Variants in INSRR observed in about 807,000 individuals in gnomAD.
The protein encoded by INSRR is insulin receptor related receptor.
Under a neutral mutation model 130.0 loss-of-function variants are expected in INSRR, and 114 were observed. That is an observed-to-expected ratio of 0.88 (90% CI 0.75 to 1.02). The LOEUF is 1.02. Ranked by LOEUF, INSRR falls within the 50% of genes least tolerant of loss-of-function variation. The probability of loss-of-function intolerance (pLI) is 0.00; values close to 1 mark genes in which losing one functional copy is unlikely to be tolerated. For synonymous variants in INSRR, 674 were observed against 705.2 expected (o/e 0.96, Z 0.70); for missense variants, 1,657 against 1,735.2 (o/e 0.95, Z 0.80).
chr1:156,848,706 C>G (rs1655093812), intron 7 of INSRR, among the ~76,000 whole-genome samples: 1 of 152,194 alleles, frequency 6.6e-6, no homozygotes, highest in Non-Finnish European at 1.5e-5. Context: ...CCTGTCTTCT[C>G]CATTTCACTT....
rs141357125 is a variant in INSRR at position 156,847,359 on chromosome 1, G to T, written c.1572-602C>A. Among the ~76,000 whole-genome samples, 47 of 152,362 alleles carry T rather than the reference G, an allele frequency of 3.1e-4. No individual in the cohort carries two copies. In the East Asian group the frequency reaches 7.9e-3, roughly 26 times the overall value. ...CAGAGGCAACTAGTGCTGGCTGCCT[G>T]AAGGCCAGTTTCGGGGCAGGGCTTG... On this transcript the variant is annotated intron_variant, in intron 7 of 21. Coordinates refer to ENST00000368195, the MANE Select transcript of INSRR (RefSeq NM_014215.3).
At chr1:156,843,333 G>GCTAT in intron 16 of INSRR, 94 bp downstream of exon 16, 8 of 1,563,362 alleles carry the variant, frequency 5.1e-6, no homozygotes, top group Non-Finnish European at 7.1e-6. Context: ...TTGTCCCAAG[G>GCTAT]CTATCTTCTG....
At position 156,842,168 on chromosome 1, in the gene INSRR, C is replaced by T. The variant is rs753223410; in HGVS notation, c.3341G>A (p.Arg1114Gln). 91 of 1,613,962 alleles carry T rather than the reference C, an allele frequency of 5.6e-5. No individual in the cohort carries two copies. The Middle Eastern group carries it at 1.2e-3, about 20-fold the overall frequency. The change falls in exon 19 of 22, where the codon CGA (arginine) becomes CAA (glutamine). Residue 1114 changes from arginine (R) to glutamine (Q), a missense_variant. Transcript: ENST00000368195. ...CATGCAGTTGCGGGCTGCTAGATCT[C>T]GGTGCACAAACTTGTTGGCAGCAAG... The part of the protein sequence containing the change: ...AYLAANKFVH[R>Q]DLAARNCMVS...
At chr1:156,847,194 GT>G (rs1655043902) in intron 7 of INSRR, among the ~76,000 whole-genome samples, 1 of 152,166 alleles carries the variant, frequency 6.6e-6, no homozygotes. Flanking sequence ...GACTTTGGAG[GT>G]TTATGAGCCT....
Position 156,845,636 on chromosome 1 carries a change from G to C in INSRR, c.2157C>G (p.Asn719Lys). The C allele has an allele frequency of 6.2e-7, 1 of 1,608,664 alleles. No individual in the cohort carries two copies. Among genetic ancestry groups the C allele is most frequent in the Non-Finnish European group, 8.5e-7 (1 of 1,177,568 alleles). The change falls in exon 10 of 22, where the codon AAC (asparagine) becomes AAG (lysine). Residue 719 changes from asparagine (N) to lysine (K), a missense_variant. Physicochemically the swap from Asn to Lys is moderately conservative, Grantham distance 94. Coordinates refer to ENST00000368195, the MANE Select transcript of INSRR (RefSeq NM_014215.3). The part of the protein sequence containing the change: ...FQKKFENFLH[N>K]AITIPISPWK... The stretch of plus-strand genomic sequence containing the variant: ...CTTCGCACATGGGGATGGTGATCGC[G>C]TTGTGTAGAAAGTTTTCAAACTTCT...
chr1:156,857,050 T>C (rs1459076665), intron 1 of INSRR, among the ~76,000 whole-genome samples: 3 of 152,020 alleles, frequency 2.0e-5, no homozygotes, highest in Non-Finnish European at 4.4e-5. Flanking sequence ...GCCCCATTCC[T>C]GATAGTTTGT....
At chr1:156,851,514 C>T (rs770677665) in intron 4 of INSRR, 80 bp from the exon 5 acceptor site, 20 of 1,602,564 alleles carry the variant, frequency 1.2e-5, no homozygotes, top group Middle Eastern at 1.6e-4. Context: ...ATGGGGGCCC[C>T]GGGAAGGTGG....
chr1:156,859,040 G>T lies in INSRR; in HGVS notation c.-419C>A, dbSNP rs962655475. On this transcript the variant is annotated 5_prime_UTR_variant, in exon 1 of 22. Coordinates refer to ENST00000368195, the MANE Select transcript of INSRR (RefSeq NM_014215.3). The surrounding 1 kb of genome is among the most constrained non-coding windows in gnomAD (Gnocchi z 6.2). ...GGGGTCCCGGGGCGCGTGGGACTCC[G>T]CAGGGAGAGTCTCCCTGGATCCCTC... The T allele has an allele frequency of 6.6e-5, 12 of 181,910 alleles. No homozygotes were observed. Among genetic ancestry groups the T allele is most frequent in the Non-Finnish European group, 9.4e-5 (8 of 85,444 alleles). The allele number at this position is 181,910 out of a possible 1,614,324, so 11.3% of individuals were successfully genotyped here.
At chr1:156,847,560 G>A (rs760498430) in intron 7 of INSRR, among the ~76,000 whole-genome samples, 18 of 152,160 alleles carry the variant, frequency 1.2e-4, no homozygotes, top group Non-Finnish European at 2.2e-4. Flanking sequence ...CTGAGCCAGG[G>A]ACAAAACTTG....
At chr1:156,841,549 C>T in intron 20 of INSRR, 21 bp from the exon 21 acceptor site, 1 of 1,614,002 alleles carries the variant, frequency 6.2e-7, no homozygotes, top group South Asian at 1.1e-5. Context: ...GCAGGAGCTC[C>T]TGAGCCCAGC....
Position 156,854,773 on chromosome 1 carries a change from T to C in INSRR, c.86-470A>G, listed in dbSNP as rs1327783440. On this transcript the variant is annotated intron_variant, in intron 1 of 21. Coordinates refer to ENST00000368195, the MANE Select transcript of INSRR (RefSeq NM_014215.3). The surrounding 1 kb of genome is among the most constrained non-coding windows in gnomAD (Gnocchi z 4.2). ...GATTGACAGTCATAGCCTCCCAAAC[T>C]GTCTCCCCAGTTCCACCCTTGTCCC... Among the ~76,000 whole-genome samples, 1 of 152,140 alleles carries C rather than the reference T, an allele frequency of 6.6e-6. No individual in the cohort carries two copies. Among genetic ancestry groups the C allele is most frequent in the Non-Finnish European group, 1.5e-5 (1 of 68,026 alleles).
At chr1:156,857,646 C>G (rs1011114568) in intron 1 of INSRR, among the ~76,000 whole-genome samples, 1 of 152,162 alleles carries the variant, frequency 6.6e-6, no homozygotes, top group African/African-American at 2.4e-5. Context: ...TAGGGGACCT[C>G]CTACCCAGCC....
chr1:156,842,415 A>G lies in INSRR; in HGVS notation c.3220T>C (p.Leu1074=), dbSNP rs780515979. The G allele has an allele frequency of 8.1e-6, 13 of 1,613,964 alleles. No homozygotes were observed. In the East Asian group the frequency reaches 2.7e-4, roughly 33 times the overall value. Residue 1074 remains leucine (L), a synonymous_variant, in exon 18 of 22, where the codon TTG becomes CTG. Coordinates refer to ENST00000368195, the MANE Select transcript of INSRR (RefSeq NM_014215.3). ...GTCCCTACCTCTGCCTCAGGCCGCAAAGATCGAAGATGGCTCTTGAGGTCC... is the reference window on the plus strand; with the variant it reads ...GTCCCTACCTCTGCCTCAGGCCGCAGAGATCGAAGATGGCTCTTGAGGTCC... ...RGDLKSHLRS[L]RPEAENNPGL...
chr1:156,857,986 G>C (rs1655469713), intron 1 of INSRR, among the ~76,000 whole-genome samples: 1 of 152,072 alleles, frequency 6.6e-6, no homozygotes, highest in African/African-American at 2.4e-5. Flanking sequence ...CTGGGGTGTT[G>C]AGGAAGAGCA....
intron 5 of INSRR, 197 bp downstream of exon 5, chr1:156,851,093 T>C: frequency 1.5e-6 from 1 of 678,884 alleles, no homozygotes; most frequent in Non-Finnish European, 2.6e-6. Context: ...TTCAAAACAG[T>C]CCTGAGAAGT....
intron 5 of INSRR, among the ~76,000 whole-genome samples, chr1:156,850,534 CTTTTTTTTTTTTTTT>C (rs35237064): frequency 0.16 from 9,317 of 58,768 alleles, 584 homozygotes; most frequent in African/African-American, 0.25. Context: ...TTAAAACATT[CTTTTTTTTTTTTTTT>C]TTTTTTTTTT....
intron 19 of INSRR, 87 bp downstream of exon 19, chr1:156,842,023 AGG>A: frequency 6.3e-7 from 1 of 1,590,876 alleles, no homozygotes; most frequent in Non-Finnish European, 8.6e-7. Context: ...ACAGGCTGTC[AGG>A]ACCAGGGCTG....
At chr1:156,855,212 T>TATCTATCTATCTATCTATC (rs60194471) in intron 1 of INSRR, among the ~76,000 whole-genome samples, 590 of 28,520 alleles carry the variant, frequency 0.021, 2 homozygotes, top group East Asian at 0.042. Context: ...ATCTATCTAT[T>TATCTATCTATCTATCTATC]TATTTATTTG....
intron 19 of INSRR, 78 bp from the exon 20 acceptor site, chr1:156,841,872 C>T (rs1654802448): frequency 1.2e-6 from 2 of 1,609,232 alleles, no homozygotes; most frequent in Non-Finnish European, 1.7e-6. Context: ...GGATACCTCT[C>T]CCAATCTTCT....
Sources: allele counts gnomAD v4.1 joint callset (sites outside exome capture counted in the v4.1 genomes callset), GRCh38; gene constraint gnomAD v4.1.1; non-coding constraint Gnocchi (gnomAD v3.1); transcripts MANE v1.5; gene names NCBI Gene and HGNC (gene_info 2026-07-23, HGNC 2026-07-21).